DIAPH2: variants seen among roughly 807,000 people sequenced by gnomAD.
The protein encoded by DIAPH2 is diaphanous related formin 2, also known as protein diaphanous homolog 2.
Under a neutral mutation model 92.7 loss-of-function variants are expected in DIAPH2, and 35 were observed. The ratio of observed to expected loss-of-function variants is 0.38; its 90% CI spans 0.29 to 0.50. The LOEUF is 0.50. Among genes scored for constraint, DIAPH2 ranks in the 20% least tolerant of loss-of-function variants. The pLI is 0.94. For synonymous variants in DIAPH2, 301 were observed against 280.4 expected, an observed-to-expected ratio of 1.07 and a Z score of -0.73; for missense variants, 701 against 819.5, an observed-to-expected ratio of 0.86 and a Z score of 1.77.
At chrX:96,742,135 G>A (rs1232527924) in intron 3 of DIAPH2, among the ~76,000 whole-genome samples, 1 of 111,571 alleles carries the variant, frequency 9.0e-6, no homozygotes, top group African/African-American at 3.3e-5. Context: ...CTCAGTTGAC[G>A]GTATCTCCAT....
intron 24 of DIAPH2, among the ~76,000 whole-genome samples, chrX:97,359,750 GTA>G (rs1295104086): frequency 9.3e-6 from 1 of 107,812 alleles, no homozygotes; most frequent in East Asian, 2.9e-4. Flanking sequence ...GCTAATTTTT[GTA>G]TTTTTAGTAG....
intron 26 of DIAPH2, among the ~76,000 whole-genome samples, chrX:97,503,240 C>T: frequency 8.9e-6 from 1 of 111,783 alleles, no homozygotes; most frequent in South Asian, 3.7e-4. Context: ...GGAAATTATA[C>T]CAGTGGTAGA....
intron 23 of DIAPH2, among the ~76,000 whole-genome samples, chrX:97,292,332 A>G (rs2068599015): frequency 1.8e-5 from 2 of 111,189 alleles, no homozygotes; most frequent in South Asian, 7.6e-4. Flanking sequence ...TTTGTACAGT[A>G]TTTAGTAGAT....
chrX:97,355,038 C>T (rs2069252357), intron 24 of DIAPH2, among the ~76,000 whole-genome samples: 1 of 112,102 alleles, frequency 8.9e-6, no homozygotes, highest in African/African-American at 3.2e-5. Context: ...GATGTTCTTC[C>T]TTCTATCTTA....
intron 26 of DIAPH2, among the ~76,000 whole-genome samples, chrX:97,452,768 G>A (rs1417576493): frequency 2.7e-5 from 3 of 112,218 alleles, no homozygotes; most frequent in Admixed American, 9.4e-5. Context: ...AGTCACCCAC[G>A]TGAAAAGTCA....
intron 23 of DIAPH2, among the ~76,000 whole-genome samples, chrX:97,291,109 G>T (rs944722310): frequency 1.2e-4 from 13 of 107,344 alleles, no homozygotes; most frequent in Admixed American, 1.0e-3. Flanking sequence ...CAAAAAAGCT[G>T]GGTGCTGTGG....
intron 23 of DIAPH2, among the ~76,000 whole-genome samples, chrX:97,327,810 A>G (rs1296848909): frequency 3.6e-5 from 4 of 112,233 alleles, no homozygotes; most frequent in Non-Finnish European, 7.5e-5. Flanking sequence ...TCCTGACCTC[A>G]GATGATCTGC....
chrX:97,338,238 A>G (rs1023006873), intron 23 of DIAPH2, among the ~76,000 whole-genome samples: 10 of 111,405 alleles, frequency 9.0e-5, no homozygotes, highest in African/African-American at 3.3e-4. Flanking sequence ...ATTATGTTGA[A>G]CCCAAATGAA....
chrX:97,165,004 C>T (rs746232924), intron 22 of DIAPH2, among the ~76,000 whole-genome samples: 1 of 112,542 alleles, frequency 8.9e-6, no homozygotes, highest in African/African-American at 3.2e-5. Context: ...GTATTTCACT[C>T]TTTCAACAAC....
At chrX:96,712,126 G>A (rs1426888414) in intron 1 of DIAPH2, among the ~76,000 whole-genome samples, 3 of 110,972 alleles carry the variant, frequency 2.7e-5, no homozygotes, top group African/African-American at 9.8e-5. Flanking sequence ...TCTTCTTCAT[G>A]TTTGTATCTG....
At chrX:97,183,149 A>G (rs2067553547) in intron 22 of DIAPH2, among the ~76,000 whole-genome samples, 1 of 111,638 alleles carries the variant, frequency 9.0e-6, no homozygotes, top group Admixed American at 9.6e-5. Context: ...AACTTTTGCG[A>G]ATTTGTTTTT....
chrX:97,496,548 C>T (rs995747606), intron 26 of DIAPH2, among the ~76,000 whole-genome samples: 7 of 110,747 alleles, frequency 6.3e-5, no homozygotes, highest in African/African-American at 1.3e-4. Flanking sequence ...AGTTTTCCAT[C>T]TTCACATTAG....
At chrX:96,896,616 T>G (rs2147765099) in intron 5 of DIAPH2, among the ~76,000 whole-genome samples, 1 of 112,551 alleles carries the variant, frequency 8.9e-6, no homozygotes, top group Non-Finnish European at 1.9e-5. Flanking sequence ...TTTTGGCTTT[T>G]AACTGTTCCA....
chrX:97,483,298 G>A (rs1023854391), intron 26 of DIAPH2, among the ~76,000 whole-genome samples: 2 of 111,057 alleles, frequency 1.8e-5, no homozygotes, highest in African/African-American at 6.5e-5. Flanking sequence ...AGGTAATAAT[G>A]AAGCTTGTCC....
At chrX:97,269,651 CAT>C (rs749671233) in intron 23 of DIAPH2, among the ~76,000 whole-genome samples, 4 of 111,268 alleles carry the variant, frequency 3.6e-5, no homozygotes, top group Non-Finnish European at 7.5e-5. Context: ...TTAACATCCA[CAT>C]GTCTGTGAGG....
intron 20 of DIAPH2, among the ~76,000 whole-genome samples, chrX:97,103,809 C>G (rs1265668615): frequency 3.6e-5 from 4 of 112,028 alleles, no homozygotes; most frequent in African/African-American, 1.3e-4. Context: ...ACTATCTGGT[C>G]TGGCACCTGC....
chrX:97,151,574 A>G lies in DIAPH2; in HGVS notation c.2719+9780A>G, dbSNP rs1183742283. On this transcript the variant is annotated intron_variant, in intron 22 of 26. Transcript: ENST00000324765. Reference sequence around the variant, plus strand: ...AAAGAAAGAAAAAGAGCCACCAACCACATTATGTACCACGTGAAGATCATG... The same window carrying G: ...AAAGAAAGAAAAAGAGCCACCAACCGCATTATGTACCACGTGAAGATCATG... Among the ~76,000 whole-genome samples, 3 of 110,348 alleles carry G rather than the reference A, an allele frequency of 2.7e-5. No homozygotes were observed. The Admixed American group carries it at 2.9e-4, about 11-fold the overall frequency.
At position 97,095,098 on chromosome X, in the gene DIAPH2, C is replaced by CTTTTTTTTTTTTTTT. The variant is rs61350837; in HGVS notation, c.2248-4574_2248-4560dup. Among the ~76,000 whole-genome samples, 8 of 22,412 alleles carry CTTTTTTTTTTTTTTT rather than the reference C, an allele frequency of 3.6e-4. 3 individuals carry two copies. The highest frequency in any genetic ancestry group is 7.2e-4 in the Non-Finnish European group (8 of 11,110). The allele number at this position is 22,412 out of a possible 115,157, so 19.5% of individuals were successfully genotyped here. ...GACTTTTAGGGAAATGTTTCTTTTT[C>CTTTTTTTTTTTTTTT]TTTTTTTTTTTTTTTTTTTTTTTTT... On this transcript the variant is annotated intron_variant, in intron 19 of 26. Transcript: ENST00000324765.
At chrX:97,145,726 T>A (rs1411442542) in intron 22 of DIAPH2, among the ~76,000 whole-genome samples, 1 of 110,730 alleles carries the variant, frequency 9.0e-6, no homozygotes. Flanking sequence ...ACTAGTTATT[T>A]TTCTTTCCCT....
Sources: gnomAD v4.1 joint callset for allele counts (sites outside exome capture counted in the v4.1 genomes callset) on GRCh38, gnomAD v4.1.1 for gene constraint, MANE v1.5 for transcripts, NCBI Gene and HGNC (gene_info 2026-07-23, HGNC 2026-07-21) for gene names.